The following FAM83B variants were observed in gnomAD, a reference collection of about 807,000 sequenced individuals.
The protein encoded by FAM83B is protein FAM83B.
A neutral mutation model predicts 38.8 loss-of-function variants in FAM83B; 26 were observed. That is an observed-to-expected ratio of 0.67 (90% confidence interval 0.49 to 0.93). FAM83B has a LOEUF of 0.93. Among genes scored for constraint, FAM83B ranks in the 40% least tolerant of loss-of-function variants. The pLI is 0.00. For missense variants in FAM83B, 1,237 were observed against 1,197.3 expected, an observed-to-expected ratio of 1.03 and a Z score of -0.49; for synonymous variants, 419 against 423.1, an observed-to-expected ratio of 0.99 and a Z score of 0.12.
At chr6:54,936,363 T>G (rs745349809) in intron 4 of FAM83B, among the ~76,000 whole-genome samples, 1 of 152,074 alleles carries the variant, frequency 6.6e-6, no homozygotes, top group Non-Finnish European at 1.5e-5. Flanking sequence ...ACATGAAGTC[T>G]TTTGGTTCTT....
At chr6:54,874,899 G>C (rs1771955037) in intron 2 of FAM83B, among the ~76,000 whole-genome samples, 1 of 151,984 alleles carries the variant, frequency 6.6e-6, no homozygotes, top group Non-Finnish European at 1.5e-5. Flanking sequence ...TGAGTTCCTG[G>C]GTGTGTCTGT....
chr6:54,901,249 T>G (rs1398055326), intron 2 of FAM83B, among the ~76,000 whole-genome samples: 2 of 152,052 alleles, frequency 1.3e-5, no homozygotes, highest in South Asian at 2.1e-4. Context: ...TACCATGTGT[T>G]CTTAGACTGT....
chr6:54,856,579 ATTTC>A (rs35318816), intron 1 of FAM83B, among the ~76,000 whole-genome samples: 5,826 of 152,008 alleles, frequency 0.038, 380 homozygotes, highest in African/African-American at 0.13. Context: ...TAAAATATAT[ATTTC>A]TTTATTTATC....
At chr6:54,939,676 T>G in intron 4 of FAM83B, 30 bp from the exon 5 acceptor site, 1 of 1,527,828 alleles carries the variant, frequency 6.5e-7, no homozygotes, top group Non-Finnish European at 8.8e-7. Context: ...ATCTTTTAAA[T>G]GATTAAAATT....
At chr6:54,898,339 A>G (rs1481633215) in intron 2 of FAM83B, among the ~76,000 whole-genome samples, 1 of 152,146 alleles carries the variant, frequency 6.6e-6, no homozygotes, top group Non-Finnish European at 1.5e-5. Flanking sequence ...TGGGAGACTT[A>G]TCATTAGCTC....
At chr6:54,880,605 TTG>T (rs1227110954) in intron 2 of FAM83B, among the ~76,000 whole-genome samples, 11 of 151,884 alleles carry the variant, frequency 7.2e-5, no homozygotes, top group Admixed American at 4.6e-4. Flanking sequence ...CCACCATGCC[TTG>T]CTAATTTTTG....
At chr6:54,904,310 A>T (rs1318443871) in intron 2 of FAM83B, among the ~76,000 whole-genome samples, 1 of 152,172 alleles carries the variant, frequency 6.6e-6, no homozygotes, top group Middle Eastern at 3.2e-3. Context: ...AAACTTCTTC[A>T]AAAGCAGCCA....
At chr6:54,863,547 C>T in intron 1 of FAM83B, among the ~76,000 whole-genome samples, 1 of 138,594 alleles carries the variant, frequency 7.2e-6, no homozygotes, top group Non-Finnish European at 1.5e-5. Flanking sequence ...GCCGCTGAGC[C>T]AACCTGTGAC....
intron 2 of FAM83B, among the ~76,000 whole-genome samples, chr6:54,924,186 T>TAC (rs1381876901): frequency 9.3e-4 from 88 of 94,602 alleles, no homozygotes; most frequent in African/African-American, 3.9e-3. Context: ...AGTATTCATT[T>TAC]ATACACACAC....
At chr6:54,893,845 A>G (rs1414230644) in intron 2 of FAM83B, among the ~76,000 whole-genome samples, 2 of 152,150 alleles carry the variant, frequency 1.3e-5, no homozygotes, top group Admixed American at 6.6e-5. Flanking sequence ...CCAATGAGTA[A>G]TTTATAGTGC....
rs184087293 is a variant in FAM83B at position 54,882,214 on chromosome 6, C to T, written c.444+11524C>T. Reference sequence around the variant, plus strand: ...GTCTTTGCTATTGTGCATAGTGCATCTGGACTTCTATTCTATGATTATTGT... The same window carrying T: ...GTCTTTGCTATTGTGCATAGTGCATTTGGACTTCTATTCTATGATTATTGT... On this transcript the variant is annotated intron_variant, in intron 2 of 4. Coordinates refer to ENST00000306858, the MANE Select transcript of FAM83B (RefSeq NM_001010872.3). 1.3e-3 allele frequency among the ~76,000 whole-genome samples: 199 copies of T among 152,274 alleles called. 2 individuals are homozygous for T. Among genetic ancestry groups the T allele is most frequent in the African/African-American group, 4.6e-3 (190 of 41,540 alleles).
Position 54,941,729 on chromosome 6 carries a change from T to C in FAM83B, c.2758T>C (p.Ser920Pro), listed in dbSNP as rs1346879354. 8 of 1,614,010 alleles carry C rather than the reference T, an allele frequency of 5.0e-6. No homozygotes were observed. Among genetic ancestry groups the C allele is most frequent in the African/African-American group, 1.3e-5 (1 of 74,928 alleles). Residue 920 changes from serine (S) to proline (P), a missense_variant, in exon 5 of 5, where the codon TCC (serine) becomes CCC (proline). Physicochemically the swap from Ser to Pro is moderately conservative, Grantham distance 74. Transcript: ENST00000306858. ...ACCTACTTCTTCTCCAAGGCCAACG[T>C]CCAGTGAGCTTCTACGATCTCATTC... The part of the protein sequence containing the change: ...RRPTSSPRPT[S>P]SELLRSHSTD...
chr6:54,851,469 TTTTGG>T (rs750046777), intron 1 of FAM83B, among the ~76,000 whole-genome samples: 173 of 152,184 alleles, frequency 1.1e-3, no homozygotes, highest in Non-Finnish European at 2.2e-3. Flanking sequence ...TTTTGTTTTG[TTTTGG>T]TTTGGTTTGT....
intron 2 of FAM83B, among the ~76,000 whole-genome samples, chr6:54,878,210 G>A (rs1772043517): frequency 1.3e-5 from 2 of 152,168 alleles, no homozygotes; most frequent in South Asian, 2.1e-4. Context: ...TAGGTTAAAG[G>A]TATTGCAGGC....
intron 2 of FAM83B, among the ~76,000 whole-genome samples, chr6:54,923,389 C>T (rs1773215549): frequency 6.6e-6 from 1 of 152,048 alleles, no homozygotes; most frequent in African/African-American, 2.4e-5. Context: ...TATACACCTT[C>T]AATCTCCCTG....
chr6:54,928,863 A>G (rs564106169), intron 4 of FAM83B, among the ~76,000 whole-genome samples: 1 of 152,252 alleles, frequency 6.6e-6, no homozygotes, highest in Admixed American at 6.5e-5. Context: ...TGCTGCCACT[A>G]GATATTAATA....
At chr6:54,886,491 G>A (rs893601499) in intron 2 of FAM83B, among the ~76,000 whole-genome samples, 2 of 151,620 alleles carry the variant, frequency 1.3e-5, no homozygotes, top group Admixed American at 1.3e-4. Context: ...TTTTTTTCTT[G>A]TATTTGTTTT....
chr6:54,940,589 C>T lies in FAM83B; in HGVS notation c.1618C>T (p.Leu540Phe). The change falls in exon 5 of 5, where the codon CTT becomes TTT. Residue 540 changes from leucine to phenylalanine, a missense_variant. Coordinates refer to ENST00000306858, the MANE Select transcript of FAM83B (RefSeq NM_001010872.3). ...CAATGCCCTTTATACTCATTCTCGG[C>T]TTCGTTCCTCTTTAGTATTTAAACC... ...KANALYTHSR[L>F]RSSLVFKPTL... 6.2e-7 allele frequency: 1 copy of T among 1,614,066 alleles called. No individual in the cohort carries two copies. The highest frequency in any genetic ancestry group is 8.5e-7 in the Non-Finnish European group (1 of 1,180,020).
intron 2 of FAM83B, among the ~76,000 whole-genome samples, chr6:54,876,903 T>C (rs1747342504): frequency 6.6e-6 from 1 of 152,188 alleles, no homozygotes; most frequent in African/African-American, 2.4e-5. Context: ...ACTCATTCTT[T>C]CCTGTCTCTG....
Sources: gnomAD v4.1 joint callset for allele counts (sites outside exome capture counted in the v4.1 genomes callset) on GRCh38, gnomAD v4.1.1 for gene constraint, MANE v1.5 for transcripts, NCBI Gene and HGNC (gene_info 2026-07-23, HGNC 2026-07-21) for gene names.